The following GCFC2 variants were observed in gnomAD, a reference collection of about 807,000 sequenced individuals.
GCFC2 encodes intron Large complex component GCFC2.
In GCFC2, 102 loss-of-function variants were observed where a neutral mutation model predicts 99.4. That is an observed-to-expected ratio of 1.03 (90% confidence interval 0.87 to 1.21). The LOEUF is 1.21. GCFC2 is among the 50% of genes most tolerant of loss of function. GCFC2 has a pLI of 0.00. For synonymous variants in GCFC2, 338 were observed against 316.8 expected (o/e 1.07, Z -0.71); for missense variants, 973 against 920.9 (o/e 1.06, Z -0.73).
intron 12 of GCFC2, among the ~76,000 whole-genome samples, chr2:75,679,400 A>C (rs1239155604): frequency 6.6e-6 from 1 of 152,180 alleles, no homozygotes; most frequent in African/African-American, 2.4e-5. Flanking sequence ...TTTACTCATA[A>C]AACTGCATGA....
At chr2:75,701,971 A>G in intron 3 of GCFC2, 1 of 1,298,986 alleles carries the variant, frequency 7.7e-7, no homozygotes, top group East Asian at 3.1e-5. Context: ...AAAAACATCA[A>G]GGTGGGAGGT....
At chr2:75,688,397 T>C (rs1182710294) in intron 10 of GCFC2, among the ~76,000 whole-genome samples, 3 of 152,198 alleles carry the variant, frequency 2.0e-5, no homozygotes, top group Non-Finnish European at 4.4e-5. Flanking sequence ...AGCATAAATA[T>C]GTAATTTGTA....
chr2:75,667,213 G>A (rs1194835832), intron 15 of GCFC2, among the ~76,000 whole-genome samples: 1 of 152,006 alleles, frequency 6.6e-6, no homozygotes, highest in African/African-American at 2.4e-5. Context: ...TTAATGTTTA[G>A]CTTACACTTT....
At position 75,697,007 on chromosome 2, in the gene GCFC2, C is replaced by T. The variant is rs975515559; in HGVS notation, c.718-692G>A. ...TTCACTGTGTTAGCCAGGATGGTCT[C>T]AATCTCCTGACCTCGTCATCTGCCT... On this transcript the variant is annotated intron_variant, in intron 4 of 16. Coordinates refer to ENST00000321027, the MANE Select transcript of GCFC2 (RefSeq NM_003203.5). 2.6e-5 allele frequency among the ~76,000 whole-genome samples: 4 copies of T among 152,128 alleles called. No homozygotes were observed. The East Asian group carries it at 7.7e-4, about 29-fold the overall frequency.
At chr2:75,692,702 G>A (rs1393918481) in intron 6 of GCFC2, among the ~76,000 whole-genome samples, 1 of 151,822 alleles carries the variant, frequency 6.6e-6, no homozygotes, top group African/African-American at 2.4e-5. Context: ...ATGCATTAAA[G>A]TTTGAGATAG....
In GCFC2 at chr2:75,701,972, G is replaced by C. The variant is rs897271025; in HGVS notation, c.619+227C>G. On this transcript the variant is annotated intron_variant, in intron 3 of 16. Transcript: ENST00000321027. Reference sequence around the variant, plus strand: ...TTTTTAACCTGTCCAAAAACATCAAGGTGGGAGGTCAGGCATTAATAAACA... The same window carrying C: ...TTTTTAACCTGTCCAAAAACATCAACGTGGGAGGTCAGGCATTAATAAACA... 34 of 1,304,666 alleles carry C rather than the reference G, an allele frequency of 2.6e-5. No homozygotes were observed. The Admixed American group carries it at 1.2e-3, about 47-fold the overall frequency. The allele number at this position is 1,304,666 out of a possible 1,614,324, so 80.8% of individuals were successfully genotyped here.
chr2:75,678,179 G>T (rs987411730), intron 12 of GCFC2, among the ~76,000 whole-genome samples: 1 of 152,092 alleles, frequency 6.6e-6, no homozygotes, highest in East Asian at 1.9e-4. Flanking sequence ...CAATGTGAAA[G>T]TATTTAACAA....
At chr2:75,690,602 T>C (rs1680021882) in intron 8 of GCFC2, 36 bp downstream of exon 8, 7 of 942,680 alleles carry the variant, frequency 7.4e-6, no homozygotes, top group Admixed American at 2.0e-5. Flanking sequence ...ACTTGCTCAA[T>C]GATGCTTTCT....
chr2:75,699,453 C>T (rs1348874501), intron 4 of GCFC2, among the ~76,000 whole-genome samples: 2 of 152,226 alleles, frequency 1.3e-5, no homozygotes, highest in Middle Eastern at 3.2e-3. Context: ...AATTCTTGAC[C>T]TCACAGAACT....
At chr2:75,677,082 CATA>C (rs1249933059) in intron 12 of GCFC2, among the ~76,000 whole-genome samples, 1 of 152,170 alleles carries the variant, frequency 6.6e-6, no homozygotes, top group Non-Finnish European at 1.5e-5. Context: ...TAAGAACAAT[CATA>C]ATAACAATTT....
chr2:75,671,452 C>A lies in GCFC2; in HGVS notation c.1956+498G>T, dbSNP rs1439726235. Among the ~76,000 whole-genome samples, 5 of 152,154 alleles carry A rather than the reference C, an allele frequency of 3.3e-5. No individual in the cohort carries two copies. In the East Asian group the frequency reaches 9.6e-4, roughly 29 times the overall value. On this transcript the variant is annotated intron_variant, in intron 14 of 16. Coordinates refer to ENST00000321027, the MANE Select transcript of GCFC2 (RefSeq NM_003203.5). ...TATCTTCATTATGTACAAAATAGATCTTATCTTCCCTTGATCAGTTATCGA... is the reference window on the plus strand; with the variant it reads ...TATCTTCATTATGTACAAAATAGATATTATCTTCCCTTGATCAGTTATCGA...
chr2:75,680,387 A>C, intron 11 of GCFC2, 73 bp from the exon 12 acceptor site: 1 of 1,250,796 alleles, frequency 8.0e-7, no homozygotes, highest in Non-Finnish European at 1.1e-6. Context: ...AATAATCAAG[A>C]CCTTTAACAA....
chr2:75,711,056 G>A (rs1681164147), upstream of GCFC2: 1 of 1,317,798 alleles, frequency 7.6e-7, no homozygotes, highest in African/African-American at 1.6e-5. Context: ...TCTGTTCTGG[G>A]GCCTGAGTTT....
At chr2:75,691,934 G>C (rs763588484) in intron 7 of GCFC2, 43 bp downstream of exon 7, 3 of 1,084,912 alleles carry the variant, frequency 2.8e-6, no homozygotes, top group South Asian at 4.2e-5. Flanking sequence ...ACATAATTTA[G>C]CTTAATGAAT....
chr2:75,707,747 AC>A, intron 1 of GCFC2, among the ~76,000 whole-genome samples: 1 of 149,310 alleles, frequency 6.7e-6, no homozygotes, highest in Non-Finnish European at 1.5e-5. Flanking sequence ...CACAATAATA[AC>A]ATGTTATTTG....
intron 6 of GCFC2, 123 bp from the exon 7 acceptor site, chr2:75,692,223 G>C (rs953947927): frequency 3.5e-6 from 1 of 282,388 alleles, no homozygotes; most frequent in Non-Finnish European, 6.3e-6. Context: ...AATTCTCAAA[G>C]AAACATTCCC....
chr2:75,702,176 T>C (rs1370105423), intron 3 of GCFC2, 23 bp downstream of exon 3: 3 of 1,593,114 alleles, frequency 1.9e-6, no homozygotes, highest in Non-Finnish European at 2.6e-6. Context: ...TATCCTAATC[T>C]TCATATATTG....
intron 1 of GCFC2, among the ~76,000 whole-genome samples, chr2:75,708,263 A>G (rs1051340969): frequency 1.1e-4 from 16 of 152,196 alleles, no homozygotes; most frequent in African/African-American, 3.9e-4. Context: ...TGAACCTAAC[A>G]GCTTTCCAGT....
upstream of GCFC2, chr2:75,711,112 T>G: frequency 7.9e-7 from 1 of 1,268,890 alleles, no homozygotes; most frequent in East Asian, 3.4e-5. Flanking sequence ...ACTGACACCT[T>G]AGAGATTTTC....
Sources: allele counts gnomAD v4.1 joint callset (sites outside exome capture counted in the v4.1 genomes callset), GRCh38; gene constraint gnomAD v4.1.1; transcripts MANE v1.5; gene names NCBI Gene and HGNC (gene_info 2026-07-23, HGNC 2026-07-21).